Variants in KHDRBS2 observed in about 807,000 individuals in gnomAD.
The protein encoded by KHDRBS2 is KH domain-containing, RNA-binding, signal transduction-associated protein 2.
KHDRBS2 carries 26 observed loss-of-function variants against 44.3 expected under a neutral mutation model. That is an observed-to-expected ratio of 0.59 (90% CI 0.43 to 0.81). The LOEUF is 0.81. KHDRBS2 is among the 40% of genes least tolerant of loss of function. The pLI, the probability that KHDRBS2 is intolerant of heterozygous loss-of-function variation, is 0.00. For synonymous variants in KHDRBS2, 194 were observed against 151.1 expected (o/e 1.28, Z -2.08); for missense variants, 476 against 433.1 (o/e 1.10, Z -0.88).
chr6:62,264,591 G>C (rs1249563764), intron 1 of KHDRBS2, among the ~76,000 whole-genome samples: 1 of 151,522 alleles, frequency 6.6e-6, no homozygotes, highest in Non-Finnish European at 1.5e-5. Flanking sequence ...CTTTTTGCAA[G>C]AATTCACAAA....
chr6:61,792,884 G>C (rs1784822710), intron 6 of KHDRBS2, among the ~76,000 whole-genome samples: 1 of 151,868 alleles, frequency 6.6e-6, no homozygotes, highest in Admixed American at 6.6e-5. Flanking sequence ...TAAAAGGTTT[G>C]TGGCTTGTGT....
the KHDRBS2 span, among the ~76,000 whole-genome samples, chr6:61,577,555 A>G: frequency 1.3e-5 from 2 of 152,272 alleles, no homozygotes; most frequent in Non-Finnish European, 2.9e-5. Flanking sequence ...GAACGTTTAT[A>G]TAGGATGATA....
chr6:61,634,534 TG>T, the KHDRBS2 span, among the ~76,000 whole-genome samples: 1 of 71,390 alleles, frequency 1.4e-5, no homozygotes, highest in Admixed American at 1.8e-4. Context: ...ACACTGGTGT[TG>T]TTTAACTCCG....
chr6:61,824,618 T>C (rs1583026633), intron 6 of KHDRBS2, among the ~76,000 whole-genome samples: 1 of 152,122 alleles, frequency 6.6e-6, no homozygotes, highest in East Asian at 1.9e-4. Context: ...AATTGGAACA[T>C]GGAAAAACAT....
chr6:61,893,097 C>T (rs1427267969), intron 6 of KHDRBS2, among the ~76,000 whole-genome samples: 1 of 152,136 alleles, frequency 6.6e-6, no homozygotes, highest in East Asian at 1.9e-4. Flanking sequence ...AGGATATGAA[C>T]AGACACTTCT....
chr6:61,602,633 G>A, the KHDRBS2 span, among the ~76,000 whole-genome samples: 24 of 152,184 alleles, frequency 1.6e-4, no homozygotes, highest in Middle Eastern at 3.4e-3. Flanking sequence ...CAAGCTTCAG[G>A]TAACTCTCAC....
chr6:62,113,217 C>T (rs556967614), intron 2 of KHDRBS2, among the ~76,000 whole-genome samples: 1 of 152,028 alleles, frequency 6.6e-6, no homozygotes, highest in East Asian at 1.9e-4. Flanking sequence ...CATATTATGT[C>T]CCATATTCAG....
chr6:61,770,388 G>T (rs1324534406), intron 6 of KHDRBS2, among the ~76,000 whole-genome samples: 1 of 152,130 alleles, frequency 6.6e-6, no homozygotes, highest in Non-Finnish European at 1.5e-5. Flanking sequence ...AAACTACTCC[G>T]AGCTACAGGA....
intron 1 of KHDRBS2, among the ~76,000 whole-genome samples, chr6:62,213,500 G>T (rs1214462385): frequency 6.6e-6 from 1 of 152,100 alleles, no homozygotes; most frequent in Non-Finnish European, 1.5e-5. Context: ...TTTCAGCAGG[G>T]ATAGAATGTT....
intron 4 of KHDRBS2, among the ~76,000 whole-genome samples, chr6:61,964,566 A>G (rs909867390): frequency 1.3e-5 from 2 of 152,142 alleles, no homozygotes; most frequent in Non-Finnish European, 2.9e-5. Flanking sequence ...TTTCTAAAAA[A>G]TAAGCTTTTT....
At chr6:62,047,195 A>T (rs1787901064) in intron 3 of KHDRBS2, among the ~76,000 whole-genome samples, 1 of 151,948 alleles carries the variant, frequency 6.6e-6, no homozygotes, top group African/African-American at 2.4e-5. Flanking sequence ...GTGAATCCTC[A>T]AAGATCCTTT....
chr6:61,782,730 T>C (rs867605526), intron 6 of KHDRBS2, among the ~76,000 whole-genome samples: 8 of 86,010 alleles, frequency 9.3e-5, no homozygotes, highest in Non-Finnish European at 1.7e-4. Context: ...TATATATATA[T>C]ATATATATAC....
chr6:62,276,093 C>T (rs1370666591), intron 1 of KHDRBS2, among the ~76,000 whole-genome samples: 1 of 152,130 alleles, frequency 6.6e-6, no homozygotes, highest in Non-Finnish European at 1.5e-5. Context: ...TATGAACCTG[C>T]TAAAAATATC....
chr6:61,679,466 C>A (rs1188822429), downstream of KHDRBS2, among the ~76,000 whole-genome samples: 3 of 151,892 alleles, frequency 2.0e-5, no homozygotes, highest in Admixed American at 2.0e-4. Flanking sequence ...ATTACTGTTG[C>A]ATAGGCAAAA....
chr6:62,286,142 C>A lies in KHDRBS2; in HGVS notation c.-194G>T, dbSNP rs920226721. 17 of 563,722 alleles carry A rather than the reference C, an allele frequency of 3.0e-5. No homozygotes were observed. The African/African-American group carries it at 3.2e-4, about 11-fold the overall frequency. 34.9% of individuals were successfully genotyped at this position (563,722 alleles called of 1,614,324 possible). On this transcript the variant is annotated 5_prime_UTR_variant, in exon 1 of 9. Transcript: ENST00000281156. ...CGGGCTGCGTGGCCCCGCGCCCACA[C>A]CTGCCCGTCCCTTCCGTCGTCCCTC...
intron 2 of KHDRBS2, among the ~76,000 whole-genome samples, chr6:62,149,277 G>T (rs1003848121): frequency 2.0e-5 from 3 of 152,008 alleles, no homozygotes; most frequent in Admixed American, 6.6e-5. Flanking sequence ...GGGCTTTTAC[G>T]TACTCACTTT....
chr6:62,274,731 C>T (rs886270020), intron 1 of KHDRBS2, among the ~76,000 whole-genome samples: 4 of 151,912 alleles, frequency 2.6e-5, no homozygotes, highest in East Asian at 3.9e-4. Flanking sequence ...TGTCCTGCCC[C>T]GAACTCCTAA....
chr6:61,993,910 T>C (rs1562601682), intron 3 of KHDRBS2, among the ~76,000 whole-genome samples: 1 of 151,940 alleles, frequency 6.6e-6, no homozygotes, highest in African/African-American at 2.4e-5. Context: ...CTTTAGGAAA[T>C]TGATTGACTC....
chr6:61,825,972 C>T (rs12214696), intron 6 of KHDRBS2, among the ~76,000 whole-genome samples: 37,703 of 152,026 alleles, frequency 0.25, 5,721 homozygotes, highest in Middle Eastern at 0.33. Context: ...GTGCTAGATT[C>T]GGATGCCAAC....
Sources: allele counts gnomAD v4.1 joint callset (sites outside exome capture counted in the v4.1 genomes callset), GRCh38; gene constraint gnomAD v4.1.1; transcripts MANE v1.5; gene names NCBI Gene and HGNC (gene_info 2026-07-23, HGNC 2026-07-21).